Variants in COL5A2 observed in about 807,000 individuals in gnomAD.
The protein encoded by COL5A2 is collagen type V alpha 2 chain.
A neutral mutation model predicts 208.2 loss-of-function variants in COL5A2; 23 were observed. The ratio of observed to expected loss-of-function variants is 0.11; its 90% confidence interval spans 0.08 to 0.16. The LOEUF is 0.16. COL5A2 is among the 10% of genes least tolerant of loss of function. The probability of loss-of-function intolerance (pLI) is 1.00; values close to 1 mark genes in which losing one functional copy is unlikely to be tolerated. For missense variants in COL5A2, 1,590 were observed against 1,956.4 expected, an observed-to-expected ratio of 0.81 and a Z score of 3.53; for synonymous variants, 625 against 628.5, an observed-to-expected ratio of 0.99 and a Z score of 0.08.
intron 1 of COL5A2, among the ~76,000 whole-genome samples, chr2:189,206,625 A>G (rs1038386567): frequency 2.6e-5 from 4 of 152,178 alleles, no homozygotes; most frequent in African/African-American, 9.7e-5. Flanking sequence ...AGGAAAGGAA[A>G]ATCTTTCCTT....
chr2:189,316,208 C>T, the COL5A2 span, among the ~76,000 whole-genome samples: 3 of 152,104 alleles, frequency 2.0e-5, no homozygotes, highest in African/African-American at 7.2e-5. Flanking sequence ...TAGAATCAAC[C>T]TTAATGTCCA....
At chr2:189,362,084 G>A in the COL5A2 span, among the ~76,000 whole-genome samples, 5 of 152,040 alleles carry the variant, frequency 3.3e-5, no homozygotes, top group East Asian at 3.9e-4. Flanking sequence ...AAATTTGTCC[G>A]TTTCTTTCTT....
upstream of COL5A2, among the ~76,000 whole-genome samples, chr2:189,182,857 C>G (rs1278217608): frequency 6.6e-6 from 1 of 152,084 alleles, no homozygotes; most frequent in African/African-American, 2.4e-5. Context: ...CAGGGATGAT[C>G]CCTCCCTCTG....
the COL5A2 span, among the ~76,000 whole-genome samples, chr2:189,269,896 C>T: frequency 6.6e-6 from 1 of 152,110 alleles, no homozygotes; most frequent in African/African-American, 2.4e-5. Flanking sequence ...CCATTAATTA[C>T]TGCTTCAACT....
rs141414242 is a variant in COL5A2 at position 189,192,877 on chromosome 2, G to T, written c.-42+32271C>A. ...ATTAATGTCTTTATCTCAAGCATGG[G>T]TTCCTATCACAAGAGTGTGCTACTT... On this transcript the variant is annotated intron_variant, in intron 1 of 10. Transcript: ENST00000649966. 5.9e-3 allele frequency among the ~76,000 whole-genome samples: 902 copies of T among 152,280 alleles called. 15 individuals carry two copies. Among genetic ancestry groups the T allele is most frequent in the African/African-American group, 0.019 (801 of 41,540 alleles).
the COL5A2 span, among the ~76,000 whole-genome samples, chr2:189,321,301 A>T: frequency 6.6e-6 from 1 of 152,234 alleles, no homozygotes; most frequent in Non-Finnish European, 1.5e-5. Flanking sequence ...GACAGGATCA[A>T]ATTCACACAT....
At chr2:189,401,523 C>T in the COL5A2 span, among the ~76,000 whole-genome samples, 1 of 152,168 alleles carries the variant, frequency 6.6e-6, no homozygotes, top group South Asian at 2.1e-4. Context: ...CTGCAGTGAA[C>T]ATACGGGTGC....
rs753742814 is a variant in COL5A2 at position 189,045,840 on chromosome 2, G to T, written c.3269C>A (p.Pro1090His). The T allele has an allele frequency of 9.3e-6, 15 of 1,614,030 alleles. No homozygotes were observed. ...GSQGAPGTPG[P>H]VGAPGDAGQR... is the part of the protein sequence containing the mutation. Reference sequence around the variant, plus strand: ...TCCTGCATCTCCTGGAGCACCCACAGGGCCAGGAGTTCCAGGGGCACCCTG... The same window carrying T: ...TCCTGCATCTCCTGGAGCACCCACATGGCCAGGAGTTCCAGGGGCACCCTG... The change falls in exon 46 of 54, where the codon CCT (proline) becomes CAT (histidine). Residue 1090 changes from proline (P) to histidine (H), a missense_variant. Transcript: ENST00000374866.
chr2:189,132,459 T>C (rs1375374834), intron 1 of COL5A2, among the ~76,000 whole-genome samples: 1 of 152,226 alleles, frequency 6.6e-6, no homozygotes, highest in East Asian at 1.9e-4. Context: ...CTTAACTTTA[T>C]AATAATTTGA....
chr2:189,067,254 A>G (rs1686175482), intron 21 of COL5A2, among the ~76,000 whole-genome samples: 2 of 152,316 alleles, frequency 1.3e-5, no homozygotes, highest in East Asian at 3.9e-4. Context: ...TTGGAATGTT[A>G]GAGGGTTTTC....
chr2:189,405,489 CAA>C, the COL5A2 span, among the ~76,000 whole-genome samples: 1 of 152,188 alleles, frequency 6.6e-6, no homozygotes, highest in Non-Finnish European at 1.5e-5. Flanking sequence ...CCTCGCCTCA[CAA>C]AATGCTGGGA....
intron 1 of COL5A2, among the ~76,000 whole-genome samples, chr2:189,123,215 C>T (rs545730073): frequency 2.0e-5 from 3 of 152,244 alleles, no homozygotes; most frequent in Admixed American, 6.5e-5. Flanking sequence ...CCACCCACCT[C>T]GGCCTCCCAA....
chr2:189,167,917 G>C (rs1193214802), intron 1 of COL5A2, among the ~76,000 whole-genome samples: 1 of 150,806 alleles, frequency 6.6e-6, no homozygotes, highest in Non-Finnish European at 1.5e-5. Flanking sequence ...TCAGCCTCAA[G>C]TCTCTTTTTT....
chr2:189,142,697 T>C (rs186743645), intron 1 of COL5A2, among the ~76,000 whole-genome samples: 40 of 152,300 alleles, frequency 2.6e-4, no homozygotes, highest in Admixed American at 2.4e-3. Flanking sequence ...ATGATTACCC[T>C]GCAATCTATC....
chr2:189,372,257 C>T, the COL5A2 span, among the ~76,000 whole-genome samples: 1 of 152,150 alleles, frequency 6.6e-6, no homozygotes, highest in South Asian at 2.1e-4. Context: ...GAGACAAGTA[C>T]TCAATATATA....
chr2:189,232,785 C>G, the COL5A2 span, among the ~76,000 whole-genome samples: 1 of 151,660 alleles, frequency 6.6e-6, no homozygotes, highest in Non-Finnish European at 1.5e-5. Context: ...TGTAAAGACA[C>G]AGAAGAAGAT....
At chr2:189,378,324 AGAGC>A in the COL5A2 span, among the ~76,000 whole-genome samples, 13 of 152,266 alleles carry the variant, frequency 8.5e-5, no homozygotes, top group African/African-American at 3.1e-4. Flanking sequence ...ATAATTTGTA[AGAGC>A]AACATAGATG....
chr2:189,057,064 T>C (rs1424812272), intron 34 of COL5A2, 38 bp from the exon 35 acceptor site: 4 of 1,597,356 alleles, frequency 2.5e-6, no homozygotes. Flanking sequence ...TTCATTTAAT[T>C]GTCTCTTTCC....
At chr2:189,044,091 A>G (rs1233839247) in intron 47 of COL5A2, among the ~76,000 whole-genome samples, 2 of 152,196 alleles carry the variant, frequency 1.3e-5, no homozygotes, top group Non-Finnish European at 2.9e-5. Context: ...CAAGTGGCAT[A>G]GAGTCATCTA....
Sources: allele counts gnomAD v4.1 joint callset (sites outside exome capture counted in the v4.1 genomes callset), GRCh38; gene constraint gnomAD v4.1.1; transcripts MANE v1.5; gene names NCBI Gene and HGNC (gene_info 2026-07-23, HGNC 2026-07-21).